Variants in ERCC2 observed in about 807,000 individuals in gnomAD.
The protein encoded by ERCC2 is general transcription and DNA repair factor IIH helicase subunit XPD.
Under a neutral mutation model 99.4 loss-of-function variants are expected in ERCC2, and 90 were observed. The ratio of observed to expected loss-of-function variants is 0.91; its 90% CI spans 0.76 to 1.08. The LOEUF is 1.08. ERCC2 is among the 50% of genes least tolerant of loss of function. The pLI is 0.00. For synonymous variants in ERCC2, 497 were observed against 432.4 expected (o/e 1.15, Z -1.85); for missense variants, 993 against 1,038.1 (o/e 0.96, Z 0.60).
At chr19:45,359,347 G>C (rs1392006313) in intron 12 of ERCC2, among the ~76,000 whole-genome samples, 1 of 152,170 alleles carries the variant, frequency 6.6e-6, no homozygotes, top group East Asian at 1.9e-4. Context: ...AGAGGCAGAA[G>C]CAGCAGCCAG....
rs560956342 is a variant in ERCC2, at chr19:45,368,997, C to G, written c.184-5G>C. 7 of 1,614,072 alleles carry G rather than the reference C, an allele frequency of 4.3e-6. No individual in the cohort carries two copies. Among genetic ancestry groups the G allele is most frequent in the Middle Eastern group, 1.6e-4 (1 of 6,084 alleles). On this transcript the variant is annotated splice_region_variant and splice_polypyrimidine_tract_variant and intron_variant, in intron 3 of 22. Coordinates refer to ENST00000391945, the MANE Select transcript of ERCC2 (RefSeq NM_000400.4). ...GGTCACCTCCAGCGGATATGCCTGC[C>G]GATAACAAGCGGACTCAGTCCCTGT...
chr19:45,356,580 C>T (rs1231576430), intron 15 of ERCC2, among the ~76,000 whole-genome samples: 3 of 152,170 alleles, frequency 2.0e-5, no homozygotes, highest in Non-Finnish European at 2.9e-5. Flanking sequence ...GAGGACCAGG[C>T]GGGCGGATCA....
intron 22 of ERCC2, 132 bp downstream of exon 22, chr19:45,352,077 C>T (rs1415983165): frequency 2.8e-6 from 3 of 1,082,682 alleles, no homozygotes; most frequent in South Asian, 2.8e-5. Context: ...CACGTAGATG[C>T]ACGATAAACT....
At chr19:45,353,034 C>T (rs1229574124) in intron 19 of ERCC2, 49 bp downstream of exon 19, 10 of 1,577,938 alleles carry the variant, frequency 6.3e-6, no homozygotes, top group Admixed American at 1.7e-5. Flanking sequence ...GCAGGTGTTC[C>T]AGAGAGCTCT....
Position 45,361,542 on chromosome 19 carries a change from C to T in ERCC2, c.1219G>A (p.Val407Ile), listed in dbSNP as rs765401939. The T allele has an allele frequency of 1.9e-5, 31 of 1,613,668 alleles. No homozygotes were observed. In the South Asian group the frequency reaches 3.3e-4, roughly 17 times the overall value. The change falls in exon 12 of 23, where the codon GTC (valine) becomes ATC (isoleucine). Residue 407 changes from valine (V) to isoleucine (I), a missense_variant. Around this residue, in one of 3 missense-constraint regions of ERCC2, gnomAD observed 909 missense variants for 930.8 expected, o/e 0.98. Coordinates refer to ENST00000391945, the MANE Select transcript of ERCC2 (RefSeq NM_000400.4). ...AGCTTACCTTTGGCGTAGGTGCTGA[C>T]AAGGGTGGCAAAGTTAGCAAGGAGG... Reference protein sequence around the residue: ...LTLLANFATLVSTYAKGFTII... With the variant: ...LTLLANFATLISTYAKGFTII...
At chr19:45,354,978 T>C in intron 16 of ERCC2, 127 bp from the exon 17 acceptor site, 1 of 1,239,358 alleles carries the variant, frequency 8.1e-7, no homozygotes, top group South Asian at 1.2e-5. Flanking sequence ...ATCCCCCTCC[T>C]CCTCCTCCCG....
At position 45,349,941 on chromosome 19, in the gene ERCC2, C is replaced by T; in HGVS notation, c.*1688G>A. On this transcript the variant is annotated 3_prime_UTR_variant, in exon 23 of 23. Coordinates refer to ENST00000391945, the MANE Select transcript of ERCC2 (RefSeq NM_000400.4). ...CGTCCCTATGAGGTGGGAGCTGTCG[C>T]TCCACTTTGCGTGTGGGAAGACTGA... The T allele has an allele frequency of 4.8e-6, 2 of 414,810 alleles. No homozygotes were observed. The highest frequency in any genetic ancestry group is 8.7e-6 in the Non-Finnish European group (2 of 230,478). 25.7% of individuals were successfully genotyped at this position (414,810 alleles called of 1,614,324 possible). A position where few individuals can be genotyped will look rare whatever the true frequency, so the allele number is the denominator to read the frequency against.
intron 12 of ERCC2, chr19:45,358,945 T>C (rs1423442160): frequency 2.6e-6 from 2 of 765,014 alleles, no homozygotes; most frequent in African/African-American, 3.4e-5. Context: ...AATGAATGAA[T>C]TTACATATTC....
At chr19:45,365,701 G>A (rs181616639) in intron 5 of ERCC2, among the ~76,000 whole-genome samples, 97 of 152,008 alleles carry the variant, frequency 6.4e-4, no homozygotes, top group African/African-American at 2.2e-3. Flanking sequence ...TGAGGCAGGA[G>A]AATCCCTTGA....
At chr19:45,367,347 A>G (rs917743998) in intron 5 of ERCC2, among the ~76,000 whole-genome samples, 1 of 119,940 alleles carries the variant, frequency 8.3e-6, no homozygotes, top group African/African-American at 3.8e-5. Flanking sequence ...AAACAAAACA[A>G]AACAAAAATA....
chr19:45,355,835 A>G lies in ERCC2; in HGVS notation c.1480-107T>C. The G allele has an allele frequency of 6.0e-6, 5 of 833,918 alleles. No homozygotes were observed. In the Admixed American group the frequency reaches 6.2e-5, roughly 10 times the overall value. The allele number at this position is 833,918 out of a possible 1,614,324, so 51.7% of individuals were successfully genotyped here. A position where few individuals can be genotyped will look rare whatever the true frequency, so the allele number is the denominator to read the frequency against. ...TAAGCTTTTTTTTTTTTTTTTTTTA[A>G]AGAGAGACAGGGTGTCACCATGTTG... On this transcript the variant is annotated intron_variant, in intron 15 of 22. Coordinates refer to ENST00000391945, the MANE Select transcript of ERCC2 (RefSeq NM_000400.4).
Position 45,352,578 on chromosome 19 carries a change from G to T in ERCC2, c.1974C>A (p.Arg658=), listed in dbSNP as rs1235719270. 6.2e-7 allele frequency: 1 copy of T among 1,613,970 alleles called. No homozygotes were observed. The highest frequency in any genetic ancestry group is 8.5e-7 in the Non-Finnish European group (1 of 1,180,040). The stretch of plus-strand genomic sequence containing the variant: ...CCCGACCCACACACTGGGCCGCGTG[G>T]CGCATGGCATCGAAGGTAAGAAAGT... ...ENDFLTFDAM[R]HAAQCVGRAI... The change falls in exon 21 of 23, where the codon CGC becomes CGA. Residue 658 remains arginine (R), a synonymous_variant. Coordinates refer to ENST00000391945, the MANE Select transcript of ERCC2 (RefSeq NM_000400.4).
intron 12 of ERCC2, 146 bp from the exon 13 acceptor site, chr19:45,357,845 T>A: frequency 2.7e-6 from 2 of 754,486 alleles, no homozygotes; most frequent in Non-Finnish European, 4.6e-6. Flanking sequence ...CATGACTGCT[T>A]AAGCCCCAAA....
chr19:45,356,640 T>A (rs1972022996), intron 15 of ERCC2, among the ~76,000 whole-genome samples: 1 of 152,098 alleles, frequency 6.6e-6, no homozygotes, highest in South Asian at 2.1e-4. Flanking sequence ...TGAAACCCCG[T>A]CTCTACTAAA....
Position 45,364,432 on chromosome 19 carries a change from T to G in ERCC2, c.710A>C (p.His237Pro). ...CCTGGCGCCCCCCTCACCAATGTTG[T>G]GGGCCTCGTCGAAGACCACGACGGC... ...RKAVVVFDEAHNIDNVCIDSM... is the reference protein window; with the variant it reads ...RKAVVVFDEAPNIDNVCIDSM... Residue 237 changes from histidine to proline, a missense_variant, in exon 8 of 23, where the codon CAC (histidine) becomes CCC (proline). Around this residue, in one of 3 missense-constraint regions of ERCC2, gnomAD observed 909 missense variants for 930.8 expected, o/e 0.98. Coordinates refer to ENST00000391945, the MANE Select transcript of ERCC2 (RefSeq NM_000400.4). 1 of 1,613,950 alleles carries G rather than the reference T, an allele frequency of 6.2e-7. No homozygotes were observed. The highest frequency in any genetic ancestry group is 8.5e-7 in the Non-Finnish European group (1 of 1,180,006).
Position 45,350,713 on chromosome 19 carries a change from C to G in ERCC2, c.*916G>C, listed in dbSNP as rs531834422. 8 of 1,613,260 alleles carry G rather than the reference C, an allele frequency of 5.0e-6. No homozygotes were observed. The highest frequency in any genetic ancestry group is 1.7e-5 in the Admixed American group (1 of 59,902). On this transcript the variant is annotated 3_prime_UTR_variant, in exon 23 of 23. Transcript: ENST00000391945. Reference sequence around the variant, plus strand: ...GCGAGGAAGTGAGAAGCTGGTCTCCCGGCTCCGAGGCGAGGCGGCGGCAGG... The same window carrying G: ...GCGAGGAAGTGAGAAGCTGGTCTCCGGGCTCCGAGGCGAGGCGGCGGCAGG...
At chr19:45,353,981 G>A (rs979015911) in intron 17 of ERCC2, among the ~76,000 whole-genome samples, 2 of 152,206 alleles carry the variant, frequency 1.3e-5, no homozygotes, top group African/African-American at 4.8e-5. Context: ...CACCTGCGCT[G>A]TGGGGACTGG....
intron 1 of ERCC2, 94 bp downstream of exon 1, chr19:45,370,429 TTCACCCTCCCCTC>T: frequency 3.9e-6 from 2 of 519,264 alleles, no homozygotes; most frequent in Non-Finnish European, 5.5e-6. Context: ...GTCCCACCCC[TTCACCCTCCCCTC>T]GCCCCCTTGG....
In ERCC2 at chr19:45,351,558, C is replaced by A; in HGVS notation, c.*71G>T. 8 of 1,608,594 alleles carry A rather than the reference C, an allele frequency of 5.0e-6. No individual in the cohort carries two copies. Among genetic ancestry groups the A allele is most frequent in the Non-Finnish European group, 6.8e-6 (8 of 1,179,568 alleles). On this transcript the variant is annotated 3_prime_UTR_variant, in exon 23 of 23. Coordinates refer to ENST00000391945, the MANE Select transcript of ERCC2 (RefSeq NM_000400.4). ...ACTTCATAAGACCTTCTAGCACCACCGCCGCTGGGAACCAGGGCCAGGCAA... is the reference window on the plus strand; with the variant it reads ...ACTTCATAAGACCTTCTAGCACCACAGCCGCTGGGAACCAGGGCCAGGCAA...
Sources: allele counts gnomAD v4.1 joint callset (sites outside exome capture counted in the v4.1 genomes callset), GRCh38; gene constraint gnomAD v4.1.1; regional missense constraint gnomAD v4.1.1; transcripts MANE v1.5; gene names NCBI Gene and HGNC (gene_info 2026-07-23, HGNC 2026-07-21).